MOXD1: variants seen among roughly 807,000 people sequenced by gnomAD.
MOXD1 encodes the protein DBH-like monooxygenase protein 1.
A neutral mutation model predicts 66.6 loss-of-function variants in MOXD1; 62 were observed. The ratio of observed to expected loss-of-function variants is 0.93; its 90% CI spans 0.76 to 1.15. The LOEUF is 1.15. MOXD1 is among the 50% of genes most tolerant of loss of function. The pLI is 0.00. For missense variants in MOXD1, 847 were observed against 754.6 expected, an observed-to-expected ratio of 1.12 and a Z score of -1.44; for synonymous variants, 303 against 281.9, an observed-to-expected ratio of 1.07 and a Z score of -0.75.
chr6:132,304,708 G>A (rs933288268), intron 10 of MOXD1, among the ~76,000 whole-genome samples: 1 of 152,156 alleles, frequency 6.6e-6, no homozygotes, highest in African/African-American at 2.4e-5. Context: ...AACCTGCACA[G>A]CGAACCTGCT....
At chr6:132,387,751 T>TA (rs56728324) in intron 1 of MOXD1, among the ~76,000 whole-genome samples, 9,137 of 69,328 alleles carry the variant, frequency 0.13, 909 homozygotes, top group African/African-American at 0.3. Context: ...AAACTCCATC[T>TA]AAAAAAAAAA....
At chr6:132,399,235 T>G (rs1582617467) in intron 1 of MOXD1, among the ~76,000 whole-genome samples, 1 of 152,192 alleles carries the variant, frequency 6.6e-6, no homozygotes, top group Non-Finnish European at 1.5e-5. Context: ...ATGAGTAGAA[T>G]GTTTATGGAA....
chr6:132,345,557 A>C (rs1176880534), intron 4 of MOXD1, among the ~76,000 whole-genome samples: 2 of 152,174 alleles, frequency 1.3e-5, no homozygotes, highest in African/African-American at 4.8e-5. Flanking sequence ...TGAAAACTAC[A>C]TTCATTTTAT....
chr6:132,330,455 A>G (rs1420207920), intron 4 of MOXD1, among the ~76,000 whole-genome samples: 1 of 152,136 alleles, frequency 6.6e-6, no homozygotes, highest in Non-Finnish European at 1.5e-5. Context: ...TCTCAAAACC[A>G]TCTCCCCCAT....
At chr6:132,370,278 A>G (rs549078989) in intron 4 of MOXD1, among the ~76,000 whole-genome samples, 3 of 152,192 alleles carry the variant, frequency 2.0e-5, no homozygotes, top group Admixed American at 1.3e-4. Context: ...AAGAGCATGG[A>G]AATCAGACAA....
chr6:132,388,168 C>T (rs949106297), intron 1 of MOXD1, among the ~76,000 whole-genome samples: 1 of 151,452 alleles, frequency 6.6e-6, no homozygotes, highest in Admixed American at 6.6e-5. Context: ...TTACACTAAG[C>T]GATTGATTCA....
intron 1 of MOXD1, among the ~76,000 whole-genome samples, chr6:132,385,443 G>A (rs988074936): frequency 1.6e-4 from 24 of 147,488 alleles, no homozygotes; most frequent in Non-Finnish European, 3.3e-4. Flanking sequence ...CAACTATAGA[G>A]AATTCAAAAT....
intron 1 of MOXD1, chr6:132,391,966 T>G: frequency 2.0e-6 from 1 of 494,230 alleles, no homozygotes; most frequent in South Asian, 2.7e-5. Context: ...GCACGACACT[T>G]GGAGAAGTCT....
intron 4 of MOXD1, among the ~76,000 whole-genome samples, chr6:132,335,910 A>G (rs1270326067): frequency 6.6e-6 from 1 of 152,172 alleles, no homozygotes; most frequent in Non-Finnish European, 1.5e-5. Flanking sequence ...AGCTAAATAT[A>G]TGTGTGTCAT....
chr6:132,362,606 G>C (rs1487159423), intron 4 of MOXD1, among the ~76,000 whole-genome samples: 2 of 152,150 alleles, frequency 1.3e-5, no homozygotes, highest in Non-Finnish European at 2.9e-5. Flanking sequence ...AGTGAAAAAT[G>C]TTAGTATTTC....
chr6:132,311,260 C>T (rs1276419767), intron 10 of MOXD1, among the ~76,000 whole-genome samples: 1 of 151,990 alleles, frequency 6.6e-6, no homozygotes, highest in Non-Finnish European at 1.5e-5. Context: ...AAGATAAAAT[C>T]CTAATGACTC....
At chr6:132,375,083 T>C (rs1274609972) in intron 1 of MOXD1, 4 of 459,476 alleles carry the variant, frequency 8.7e-6, no homozygotes, top group African/African-American at 5.9e-5. Context: ...AGAGGGACTA[T>C]AGCACTATGA....
intron 4 of MOXD1, among the ~76,000 whole-genome samples, chr6:132,353,698 G>C (rs1157157792): frequency 6.6e-6 from 1 of 151,964 alleles, no homozygotes; most frequent in Non-Finnish European, 1.5e-5. Context: ...CTTGTATTTG[G>C]ATGTCGAGGT....
chr6:132,338,692 T>C (rs370637529), intron 4 of MOXD1, among the ~76,000 whole-genome samples: 1 of 152,228 alleles, frequency 6.6e-6, no homozygotes, highest in African/African-American at 2.4e-5. Context: ...AGCAGCATAA[T>C]GGTGGAACAT....
intron 4 of MOXD1, among the ~76,000 whole-genome samples, chr6:132,337,312 A>G (rs930605845): frequency 1.3e-5 from 2 of 152,266 alleles, no homozygotes; most frequent in Non-Finnish European, 2.9e-5. Flanking sequence ...GCAATCATGC[A>G]TGTGCTACCT....
At chr6:132,359,093 G>A (rs974314191) in intron 4 of MOXD1, among the ~76,000 whole-genome samples, 1 of 151,496 alleles carries the variant, frequency 6.6e-6, no homozygotes, top group Non-Finnish European at 1.5e-5. Flanking sequence ...AAAGGCCATC[G>A]TCCTCTTAGG....
rs1346247643 is a variant in MOXD1 at position 132,296,108 on chromosome 6, G to C, written c.*1045C>G. On this transcript the variant is annotated 3_prime_UTR_variant, in exon 12 of 12. Transcript: ENST00000367963. The stretch of plus-strand genomic sequence containing the variant: ...TCCAAACAGATTTAGCTTAAGAGAT[G>C]AGGACAGGACATAAAACAAGATTTG... The C allele has an allele frequency of 1.3e-5, 2 of 152,122 alleles. No homozygotes were observed. The highest frequency in any genetic ancestry group is 2.9e-5 in the Non-Finnish European group (2 of 68,012). 9.4% of individuals were successfully genotyped at this position (152,122 alleles called of 1,614,324 possible).
chr6:132,349,381 GTA>G lies in MOXD1; in HGVS notation c.664-20789_664-20788del, dbSNP rs1288528684. 3.3e-3 allele frequency among the ~76,000 whole-genome samples: 265 copies of G among 80,550 alleles called. 33 individuals carry two copies. Among genetic ancestry groups the G allele is most frequent in the African/African-American group, 0.012 (239 of 19,830 alleles). 52.8% of individuals were successfully genotyped at this position (80,550 alleles called of 152,430 possible). ...TATTCCATCATATATATATATACATGTATATATATATACACATATATATACAT... is the reference window on the plus strand; with the variant it reads ...TATTCCATCATATATATATATACATGTATATATATACACATATATATACAT... On this transcript the variant is annotated intron_variant, in intron 4 of 11. Coordinates refer to ENST00000367963, the MANE Select transcript of MOXD1 (RefSeq NM_015529.4).
intron 4 of MOXD1, among the ~76,000 whole-genome samples, chr6:132,329,896 C>T (rs1168772784): frequency 6.6e-6 from 1 of 152,080 alleles, no homozygotes; most frequent in Admixed American, 6.5e-5. Context: ...TGTGACACTG[C>T]TCAAATTAAA....
Sources: gnomAD v4.1 joint callset for allele counts (sites outside exome capture counted in the v4.1 genomes callset) on GRCh38, gnomAD v4.1.1 for gene constraint, MANE v1.5 for transcripts, NCBI Gene and HGNC (gene_info 2026-07-23, HGNC 2026-07-21) for gene names.